PALLD: variants seen among roughly 807,000 people sequenced by gnomAD.
The protein encoded by PALLD is palladin, cytoskeletal associated protein.
Under a neutral mutation model 123.5 loss-of-function variants are expected in PALLD, and 61 were observed. That is an observed-to-expected ratio of 0.49 (90% CI 0.40 to 0.61). The LOEUF (loss-of-function observed/expected upper bound fraction) is 0.61, where lower values mean the gene tolerates loss of function less well. Ranked by LOEUF, PALLD falls within the 20% of genes least tolerant of loss-of-function variation. PALLD has a pLI of 0.00. For missense variants in PALLD, 1,273 were observed against 1,377.0 expected, an observed-to-expected ratio of 0.92 and a Z score of 1.20; for synonymous variants, 465 against 496.4, an observed-to-expected ratio of 0.94 and a Z score of 0.84.
chr4:168,710,285 TTTC>T (rs1291140960), intron 9 of PALLD, among the ~76,000 whole-genome samples: 1 of 91,614 alleles, frequency 1.1e-5, no homozygotes, highest in African/African-American at 2.8e-5. Flanking sequence ...TTCTTTTTCT[TTTC>T]TTTTCTTTTC....
chr4:168,905,768 A>G (rs1757604425), intron 15 of PALLD, among the ~76,000 whole-genome samples: 1 of 151,152 alleles, frequency 6.6e-6, no homozygotes, highest in Non-Finnish European at 1.5e-5. Flanking sequence ...TGAAGAAACA[A>G]AAGCGGAACT....
At chr4:168,713,858 G>C (rs1785069632) in intron 10 of PALLD, among the ~76,000 whole-genome samples, 1 of 147,596 alleles carries the variant, frequency 6.8e-6, no homozygotes, top group African/African-American at 2.5e-5. Flanking sequence ...CCTTCATGAG[G>C]AAATTTAAGG....
chr4:168,675,334 T>C (rs1052759045), intron 3 of PALLD, among the ~76,000 whole-genome samples: 1 of 152,178 alleles, frequency 6.6e-6, no homozygotes, highest in African/African-American at 2.4e-5. Context: ...AGACACAGGT[T>C]CTCAGTGCTA....
chr4:168,739,825 T>A (rs939329828), intron 10 of PALLD, among the ~76,000 whole-genome samples: 1 of 152,184 alleles, frequency 6.6e-6, no homozygotes, highest in African/African-American at 2.4e-5. Flanking sequence ...AAGATAAGGG[T>A]ACCTATTTAC....
intron 10 of PALLD, among the ~76,000 whole-genome samples, chr4:168,769,258 A>G: frequency 6.6e-6 from 1 of 152,216 alleles, no homozygotes; most frequent in Non-Finnish European, 1.5e-5. Context: ...CTGGAAGAGT[A>G]TATCTGTGCA....
chr4:168,498,891 T>C (rs28740861), intron 1 of PALLD, among the ~76,000 whole-genome samples: 4,031 of 152,060 alleles, frequency 0.027, 166 homozygotes, highest in African/African-American at 0.092. Flanking sequence ...GAACAGGACA[T>C]GGGATAACTT....
intron 10 of PALLD, among the ~76,000 whole-genome samples, chr4:168,839,575 G>A (rs536107556): frequency 4.7e-4 from 71 of 151,332 alleles, no homozygotes; most frequent in African/African-American, 1.6e-3. Context: ...GGTGGGATGG[G>A]AGGGGTGAGG....
chr4:168,703,014 C>T (rs1297429811), intron 8 of PALLD, among the ~76,000 whole-genome samples: 23 of 140,976 alleles, frequency 1.6e-4, no homozygotes, highest in Admixed American at 7.7e-4. Flanking sequence ...CCCACTAACT[C>T]GTCATCTAGC....
chr4:168,852,100 A>G (rs1243069478), intron 10 of PALLD, among the ~76,000 whole-genome samples: 1 of 152,078 alleles, frequency 6.6e-6, no homozygotes, highest in African/African-American at 2.4e-5. Flanking sequence ...AACGTAGCAC[A>G]CCCCTTGCCC....
chr4:168,527,531 C>T (rs1764188286), intron 2 of PALLD, among the ~76,000 whole-genome samples: 1 of 151,134 alleles, frequency 6.6e-6, no homozygotes, highest in Admixed American at 6.6e-5. Context: ...TTCTGTACAT[C>T]TTCACAAAGC....
At chr4:168,712,924 G>A (rs1784976752) in intron 10 of PALLD, among the ~76,000 whole-genome samples, 1 of 152,124 alleles carries the variant, frequency 6.6e-6, no homozygotes, top group South Asian at 2.1e-4. Flanking sequence ...GAATTTAAAA[G>A]ATATTTGAAT....
At chr4:168,614,648 A>G (rs1774046606) in intron 2 of PALLD, among the ~76,000 whole-genome samples, 2 of 152,224 alleles carry the variant, frequency 1.3e-5, no homozygotes, top group African/African-American at 2.4e-5. Context: ...AAACTTCCAG[A>G]TGTAGTTAGG....
intron 2 of PALLD, among the ~76,000 whole-genome samples, chr4:168,533,037 T>C (rs1764748202): frequency 6.6e-6 from 1 of 152,180 alleles, no homozygotes; most frequent in Admixed American, 6.6e-5. Context: ...ACACCTGATA[T>C]TTCACCAGAA....
At chr4:168,811,356 G>C (rs917482136) in intron 10 of PALLD, among the ~76,000 whole-genome samples, 2 of 152,176 alleles carry the variant, frequency 1.3e-5, no homozygotes, top group African/African-American at 4.8e-5. Context: ...GTGTGTGTCT[G>C]CTTGGAAGGA....
intron 6 of PALLD, among the ~76,000 whole-genome samples, chr4:168,689,609 G>A (rs370251691): frequency 7.3e-5 from 11 of 151,498 alleles, no homozygotes; most frequent in African/African-American, 2.4e-4. Flanking sequence ...CACCACGACC[G>A]GCTAATTTTT....
At chr4:168,560,109 G>A (rs986584643) in intron 2 of PALLD, among the ~76,000 whole-genome samples, 2 of 152,172 alleles carry the variant, frequency 1.3e-5, no homozygotes, top group African/African-American at 4.8e-5. Flanking sequence ...GGGGTGTAAT[G>A]ATCAATGCAG....
At position 168,773,223 on chromosome 4, in the gene PALLD, G is replaced by C. The variant is rs748229537; in HGVS notation, c.1964+61300G>C. On this transcript the variant is annotated intron_variant, in intron 10 of 21. Transcript: ENST00000505667. ...AATTGTTGTCTTAAAGTGAATAACT[G>C]TAAAGCCATGTGTGATCTGAACCCC... Among the ~76,000 whole-genome samples, 3 of 152,290 alleles carry C rather than the reference G, an allele frequency of 2.0e-5. No individual in the cohort carries two copies. The East Asian group carries it at 5.8e-4, about 29-fold the overall frequency.
In PALLD at chr4:168,924,342, G is replaced by T; in HGVS notation, c.3146G>T (p.Arg1049Leu). ...GGGTACCCAGTGCGGCTGGAATGTCGTGTATTGGGAGTGCCACCACCTCAG... is the reference window on the plus strand; with the variant it reads ...GGGTACCCAGTGCGGCTGGAATGTCTTGTATTGGGAGTGCCACCACCTCAG... Reference protein sequence around the residue: ...ADGYPVRLECRVLGVPPPQIF... With the variant: ...ADGYPVRLECLVLGVPPPQIF... Residue 1049 changes from arginine (R) to leucine (L), a missense_variant, in exon 19 of 22, where the codon CGT (arginine) becomes CTT (leucine). Arg to Leu is a moderately radical substitution (Grantham distance 102). Transcript: ENST00000505667. 2 of 1,613,872 alleles carry T rather than the reference G, an allele frequency of 1.2e-6. No individual in the cohort carries two copies. Among genetic ancestry groups the T allele is most frequent in the Non-Finnish European group, 1.7e-6 (2 of 1,179,784 alleles).
chr4:168,595,304 C>A (rs1161145872), intron 2 of PALLD, among the ~76,000 whole-genome samples: 1 of 152,082 alleles, frequency 6.6e-6, no homozygotes, highest in African/African-American at 2.4e-5. Context: ...TATATTTTGG[C>A]AAGTGTGAAA....
Sources: gnomAD v4.1 joint callset for allele counts (sites outside exome capture counted in the v4.1 genomes callset) on GRCh38, gnomAD v4.1.1 for gene constraint, MANE v1.5 for transcripts, NCBI Gene and HGNC (gene_info 2026-07-23, HGNC 2026-07-21) for gene names.